KIZ: variants seen among roughly 807,000 people sequenced by gnomAD.
The protein encoded by KIZ is kizuna centrosomal protein.
A neutral mutation model predicts 79.6 loss-of-function variants in KIZ; 68 were observed. The ratio of observed to expected loss-of-function variants is 0.85; its 90% CI spans 0.70 to 1.05. The LOEUF (loss-of-function observed/expected upper bound fraction) is 1.05, where lower values mean the gene tolerates loss of function less well. Among genes scored for constraint, KIZ ranks in the 50% least tolerant of loss-of-function variants. The pLI, the probability that KIZ is intolerant of heterozygous loss-of-function variation, is 0.00. For missense variants in KIZ, 797 were observed against 800.4 expected, an observed-to-expected ratio of 1.00 and a Z score of 0.05; for synonymous variants, 280 against 281.8, an observed-to-expected ratio of 0.99 and a Z score of 0.06.
chr20:21,137,932 T>A (rs2032292056), intron 3 of KIZ, among the ~76,000 whole-genome samples: 1 of 152,132 alleles, frequency 6.6e-6, no homozygotes, highest in Non-Finnish European at 1.5e-5. Context: ...CCACCATGCC[T>A]GGCTAATTTT....
chr20:21,217,658 CTG>C (rs2036348435), intron 9 of KIZ, among the ~76,000 whole-genome samples: 1 of 152,140 alleles, frequency 6.6e-6, no homozygotes, highest in Non-Finnish European at 1.5e-5. Flanking sequence ...CTCTGAGCCT[CTG>C]TATTGGGAAA....
intron 4 of KIZ, among the ~76,000 whole-genome samples, chr20:21,147,490 T>G (rs974907296): frequency 6.6e-6 from 1 of 152,192 alleles, no homozygotes; most frequent in Admixed American, 6.5e-5. Flanking sequence ...AGTTATAGCT[T>G]ATTGTTTAGT....
At chr20:21,166,646 C>G (rs1304199175) in intron 6 of KIZ, 2 of 801,568 alleles carry the variant, frequency 2.5e-6, no homozygotes, top group East Asian at 2.5e-5. Flanking sequence ...TTTGGAGAGA[C>G]TTGGTTTCTC....
chr20:21,166,790 A>G (rs948856294), intron 6 of KIZ, among the ~76,000 whole-genome samples: 4 of 151,880 alleles, frequency 2.6e-5, no homozygotes, highest in Non-Finnish European at 5.9e-5. Context: ...ACCCGGTTTC[A>G]CTATGTTGGC....
intron 6 of KIZ, among the ~76,000 whole-genome samples, chr20:21,173,705 G>T (rs2034320824): frequency 6.6e-6 from 1 of 152,028 alleles, no homozygotes; most frequent in South Asian, 2.1e-4. Context: ...TTGAGATAAG[G>T]AACATGTAGG....
At chr20:21,147,423 C>T (rs185950873) in intron 4 of KIZ, among the ~76,000 whole-genome samples, 1 of 152,156 alleles carries the variant, frequency 6.6e-6, no homozygotes, top group African/African-American at 2.4e-5. Context: ...TACATTTCAG[C>T]AAAATCATGT....
chr20:21,239,577 A>G (rs773955815), intron 11 of KIZ, among the ~76,000 whole-genome samples: 23 of 152,188 alleles, frequency 1.5e-4, no homozygotes, highest in Middle Eastern at 3.4e-3. Flanking sequence ...TTTTGTCTTT[A>G]CTTGTTGGCT....
intron 3 of KIZ, chr20:21,139,166 T>G (rs1004547334): frequency 4.0e-5 from 6 of 151,896 alleles, no homozygotes; most frequent in African/African-American, 1.5e-4. Context: ...TTTTGTTGTT[T>G]TATCGTCTTA....
At chr20:21,214,782 A>C in intron 8 of KIZ, 82 bp downstream of exon 8, 1 of 828,650 alleles carries the variant, frequency 1.2e-6, no homozygotes, top group Non-Finnish European at 2.0e-6. Flanking sequence ...CCTATAGAAT[A>C]TCACTGACTA....
chr20:21,241,199 G>C lies in KIZ; in HGVS notation c.1881-3046G>C, dbSNP rs372708372. On this transcript the variant is annotated intron_variant, in intron 11 of 12. Coordinates refer to ENST00000619189, the MANE Select transcript of KIZ (RefSeq NM_018474.6). Reference sequence around the variant, plus strand: ...CCAGCACACAATAGAAAGTTCTCAGGCTTCTCCATCAGCCTTGCCTTAGCT... The same window carrying C: ...CCAGCACACAATAGAAAGTTCTCAGCCTTCTCCATCAGCCTTGCCTTAGCT... 8.9e-4 allele frequency among the ~76,000 whole-genome samples: 135 copies of C among 152,242 alleles called. No individual in the cohort carries two copies. In the South Asian group the frequency reaches 0.027, roughly 31 times the overall value.
intron 3 of KIZ, chr20:21,138,955 C>G (rs1477817551): frequency 7.4e-6 from 1 of 134,724 alleles, no homozygotes; most frequent in Non-Finnish European, 1.6e-5. Flanking sequence ...TTTTTTAAAG[C>G]CTACAACAGC....
intron 3 of KIZ, among the ~76,000 whole-genome samples, chr20:21,141,484 C>T (rs1393806918): frequency 6.6e-6 from 1 of 151,546 alleles, no homozygotes; most frequent in Non-Finnish European, 1.5e-5. Context: ...CAAACACTCT[C>T]CAGAGCAGCC....
At chr20:21,163,586 T>C (rs967684976) in intron 6 of KIZ, among the ~76,000 whole-genome samples, 2 of 152,224 alleles carry the variant, frequency 1.3e-5, no homozygotes, top group Admixed American at 6.5e-5. Context: ...TCTAATTAAT[T>C]TGCTTAATCC....
intron 6 of KIZ, among the ~76,000 whole-genome samples, chr20:21,191,894 G>T (rs191518181): frequency 6.6e-6 from 1 of 151,720 alleles, no homozygotes; most frequent in Admixed American, 6.6e-5. Context: ...AACAGTAAAA[G>T]GAGTTTAGTG....
At chr20:21,243,139 G>A (rs1333492445) in intron 11 of KIZ, among the ~76,000 whole-genome samples, 1 of 152,090 alleles carries the variant, frequency 6.6e-6, no homozygotes, top group East Asian at 1.9e-4. Context: ...CTCCAGGACT[G>A]TCAGTCAGCT....
chr20:21,202,489 C>G (rs138235595), intron 6 of KIZ: 1 of 152,294 alleles, frequency 6.6e-6, no homozygotes, highest in African/African-American at 2.4e-5. Flanking sequence ...GTCTTTCTAT[C>G]AAACTAGTCA....
chr20:21,215,697 T>C (rs1329452826), intron 9 of KIZ, 49 bp downstream of exon 9: 1 of 1,292,014 alleles, frequency 7.7e-7, no homozygotes, highest in Admixed American at 1.9e-5. Context: ...TTAGCATTAT[T>C]ATATAAGCGG....
chr20:21,126,986 TAAAC>T (rs761107413), intron 1 of KIZ, among the ~76,000 whole-genome samples: 14 of 152,216 alleles, frequency 9.2e-5, no homozygotes, highest in Non-Finnish European at 1.9e-4. Context: ...GATCTCTTGA[TAAAC>T]AAAACATTTA....
intron 6 of KIZ, among the ~76,000 whole-genome samples, chr20:21,202,685 A>G (rs952674052): frequency 1.3e-5 from 2 of 152,216 alleles, no homozygotes; most frequent in South Asian, 2.1e-4. Flanking sequence ...ACAGAAAAGT[A>G]AAAGGAATCA....
Sources: gnomAD v4.1 joint callset for allele counts (sites outside exome capture counted in the v4.1 genomes callset) on GRCh38, gnomAD v4.1.1 for gene constraint, MANE v1.5 for transcripts, NCBI Gene and HGNC (gene_info 2026-07-23, HGNC 2026-07-21) for gene names.